Variants in OCA2 observed in about 807,000 individuals in gnomAD.
The protein encoded by OCA2 is OCA2 melanosomal transmembrane protein.
In OCA2, 77 loss-of-function variants were observed where a neutral mutation model predicts 100.2. That is an observed-to-expected ratio of 0.77 (90% CI 0.64 to 0.93). The LOEUF is 0.93. Among genes scored for constraint, OCA2 ranks in the 40% least tolerant of loss-of-function variants. OCA2 has a pLI of 0.00. For synonymous variants in OCA2, 432 were observed against 439.2 expected (o/e 0.98, Z 0.21); for missense variants, 1,062 against 1,089.1 (o/e 0.98, Z 0.35).
intron 14 of OCA2, among the ~76,000 whole-genome samples, chr15:27,971,920 C>T (rs2040805736): frequency 6.6e-6 from 1 of 152,104 alleles, no homozygotes; most frequent in Non-Finnish European, 1.5e-5. Context: ...GCACCCATCA[C>T]CAGAGTAGTG....
the OCA2 span, among the ~76,000 whole-genome samples, chr15:27,722,814 T>TCTC: frequency 1.1e-4 from 15 of 134,736 alleles, no homozygotes; most frequent in African/African-American, 4.0e-4. Context: ...CTCTCTCTCT[T>TCTC]TCTCTCTCTC....
intron 14 of OCA2, among the ~76,000 whole-genome samples, chr15:27,971,261 G>A (rs572946136): frequency 2.9e-4 from 44 of 152,186 alleles, no homozygotes; most frequent in Non-Finnish European, 4.4e-4. Context: ...AGTACACAAC[G>A]TGGGGCATGA....
In OCA2 at chr15:27,961,631, A is replaced by C. The variant is rs928674367; in HGVS notation, c.1637-3896T>G. Among the ~76,000 whole-genome samples, 3 of 152,244 alleles carry C rather than the reference A, an allele frequency of 2.0e-5. 1 individual carries two copies. The highest frequency in any genetic ancestry group is 6.5e-5 in the Admixed American group (1 of 15,286). On this transcript the variant is annotated intron_variant, in intron 15 of 23. Transcript: ENST00000354638. ...ATACTATGCAGCCATAAAAAGGATGAGTTCATGTCCTTTGCAGGGACATGG... is the reference window on the plus strand; with the variant it reads ...ATACTATGCAGCCATAAAAAGGATGCGTTCATGTCCTTTGCAGGGACATGG...
At chr15:27,980,755 ATC>A (rs1358972720) in intron 14 of OCA2, among the ~76,000 whole-genome samples, 1 of 152,164 alleles carries the variant, frequency 6.6e-6, no homozygotes, top group Admixed American at 6.5e-5. Context: ...TGTCGTCTTT[ATC>A]TCTGTTTCCT....
At chr15:27,799,854 A>G (rs546629821) in intron 23 of OCA2, among the ~76,000 whole-genome samples, 4 of 152,306 alleles carry the variant, frequency 2.6e-5, no homozygotes, top group African/African-American at 9.6e-5. Context: ...GTAACAGCCA[A>G]CGAAGACCCC....
chr15:27,886,065 A>G (rs748432701), intron 19 of OCA2, among the ~76,000 whole-genome samples: 1 of 152,206 alleles, frequency 6.6e-6, no homozygotes, highest in Admixed American at 6.5e-5. Flanking sequence ...GAGGTGAACC[A>G]CCACCAGCAT....
chr15:27,950,983 C>A (rs749086860), intron 18 of OCA2, among the ~76,000 whole-genome samples: 1 of 152,214 alleles, frequency 6.6e-6, no homozygotes, highest in Non-Finnish European at 1.5e-5. Context: ...GACTGTGACA[C>A]CACCTCAAAT....
intron 19 of OCA2, among the ~76,000 whole-genome samples, chr15:27,888,304 C>T (rs1216966717): frequency 6.6e-6 from 1 of 152,212 alleles, no homozygotes; most frequent in African/African-American, 2.4e-5. Flanking sequence ...GTGTGCTAAA[C>T]TTAAACAGGT....
At chr15:27,929,676 G>C (rs1404453516) in intron 18 of OCA2, among the ~76,000 whole-genome samples, 1 of 151,732 alleles carries the variant, frequency 6.6e-6, no homozygotes, top group East Asian at 1.9e-4. Context: ...TTTTCAAAGG[G>C]CACTGTTAAG....
intron 15 of OCA2, among the ~76,000 whole-genome samples, chr15:27,965,499 C>G (rs2040535205): frequency 6.6e-6 from 1 of 152,164 alleles, no homozygotes; most frequent in Non-Finnish European, 1.5e-5. Flanking sequence ...ACATGAAAGT[C>G]ACACAGATCT....
At chr15:28,022,899 T>C (rs1050357580) in intron 5 of OCA2, among the ~76,000 whole-genome samples, 1 of 152,248 alleles carries the variant, frequency 6.6e-6, no homozygotes, top group Non-Finnish European at 1.5e-5. Context: ...GGTTAGAGCA[T>C]GTGTTTGTGG....
chr15:27,981,534 G>A (rs1033916180), intron 14 of OCA2, among the ~76,000 whole-genome samples: 1 of 152,250 alleles, frequency 6.6e-6, no homozygotes, highest in Non-Finnish European at 1.5e-5. Flanking sequence ...GGTGGAAGCA[G>A]AGCAGTGTTC....
chr15:27,830,152 A>C (rs1339703541), intron 23 of OCA2, among the ~76,000 whole-genome samples: 1 of 152,204 alleles, frequency 6.6e-6, no homozygotes, highest in Non-Finnish European at 1.5e-5. Context: ...TAAGCTTATA[A>C]AGTCCAAATA....
chr15:27,898,574 G>C (rs185695528), intron 19 of OCA2, among the ~76,000 whole-genome samples: 33 of 152,268 alleles, frequency 2.2e-4, no homozygotes, highest in African/African-American at 7.5e-4. Flanking sequence ...TTTCTTCCCT[G>C]TCTCAGGTAT....
At chr15:28,089,291 A>T (rs2044832708) in intron 1 of OCA2, among the ~76,000 whole-genome samples, 1 of 152,214 alleles carries the variant, frequency 6.6e-6, no homozygotes, top group African/African-American at 2.4e-5. Flanking sequence ...CTGAGGTGAC[A>T]TTCATCCTCA....
chr15:27,976,480 G>T (rs1332036472), intron 14 of OCA2, among the ~76,000 whole-genome samples: 4 of 152,032 alleles, frequency 2.6e-5, no homozygotes, highest in South Asian at 2.1e-4. Flanking sequence ...ATCGGATTTT[G>T]CCAAATGTTT....
At chr15:27,803,196 G>A (rs1595436959) in intron 23 of OCA2, among the ~76,000 whole-genome samples, 1 of 67,190 alleles carries the variant, frequency 1.5e-5, no homozygotes, top group Admixed American at 1.8e-4. Flanking sequence ...TTTAAACCAC[G>A]ACGAGACAAA....
chr15:27,804,151 C>T (rs993041665), intron 23 of OCA2, among the ~76,000 whole-genome samples: 3 of 152,086 alleles, frequency 2.0e-5, no homozygotes, highest in African/African-American at 7.2e-5. Flanking sequence ...GTGAGAAAAA[C>T]CACACCAAAA....
At chr15:27,727,906 T>G in the OCA2 span, among the ~76,000 whole-genome samples, 1 of 152,190 alleles carries the variant, frequency 6.6e-6, no homozygotes, top group Non-Finnish European at 1.5e-5. Flanking sequence ...AAGTCTCCTT[T>G]GCTGTTTAAG....
Sources: allele counts gnomAD v4.1 joint callset (sites outside exome capture counted in the v4.1 genomes callset), GRCh38; gene constraint gnomAD v4.1.1; transcripts MANE v1.5; gene names NCBI Gene and HGNC (gene_info 2026-07-23, HGNC 2026-07-21).